PACRG: variants seen among roughly 807,000 people sequenced by gnomAD.
The protein encoded by PACRG is parkin coregulated gene protein.
Under a neutral mutation model 29.7 loss-of-function variants are expected in PACRG, and 29 were observed. The observed-to-expected ratio is 0.98, with a 90% CI of 0.73 to 1.33. The LOEUF is 1.33. Ranked by LOEUF, PACRG falls within the 40% of genes most tolerant of loss-of-function variation. The pLI is 0.00. For missense variants in PACRG, 279 were observed against 316.2 expected, an observed-to-expected ratio of 0.88 and a Z score of 0.89; for synonymous variants, 116 against 118.7, an observed-to-expected ratio of 0.98 and a Z score of 0.15.
At chr6:163,224,501 G>T (rs1034432185) in intron 4 of PACRG, among the ~76,000 whole-genome samples, 1 of 149,800 alleles carries the variant, frequency 6.7e-6, no homozygotes, top group African/African-American at 2.5e-5. Context: ...AGACCAAATA[G>T]AACAGAATAG....
intron 2 of PACRG, among the ~76,000 whole-genome samples, chr6:163,039,333 T>G (rs934451295): frequency 6.6e-6 from 1 of 152,202 alleles, no homozygotes; most frequent in African/African-American, 2.4e-5. Context: ...CCTCAAGTAG[T>G]ATCTTTATAG....
At chr6:162,866,927 G>T (rs1792346369) in intron 2 of PACRG, among the ~76,000 whole-genome samples, 2 of 152,306 alleles carry the variant, frequency 1.3e-5, no homozygotes, top group South Asian at 2.1e-4. Flanking sequence ...ATTTTCTCTT[G>T]ACTAAACTTC....
At chr6:162,729,813 G>A (rs67747005) in intron 1 of PACRG, among the ~76,000 whole-genome samples, 24,159 of 151,632 alleles carry the variant, frequency 0.16, 2,622 homozygotes, top group African/African-American at 0.31. Context: ...CACCTAAAGA[G>A]ATAGTTCTGC....
intron 2 of PACRG, among the ~76,000 whole-genome samples, chr6:162,921,496 CTT>C (rs985913728): frequency 6.6e-6 from 1 of 152,120 alleles, no homozygotes; most frequent in Non-Finnish European, 1.5e-5. Context: ...CTTCTTGACA[CTT>C]TTGTTCATCA....
intron 4 of PACRG, among the ~76,000 whole-genome samples, chr6:163,183,746 A>G (rs1166557835): frequency 6.6e-6 from 1 of 152,212 alleles, no homozygotes; most frequent in Non-Finnish European, 1.5e-5. Context: ...AAAAGAAGTC[A>G]TTTCCTGTAT....
chr6:163,143,026 C>T (rs560607329), intron 4 of PACRG, among the ~76,000 whole-genome samples: 1 of 152,256 alleles, frequency 6.6e-6, no homozygotes, highest in Non-Finnish European at 1.5e-5. Context: ...GCGGTGGAAA[C>T]GCTGGCGAAA....
intron 2 of PACRG, among the ~76,000 whole-genome samples, chr6:162,997,010 A>G (rs1804129755): frequency 6.6e-6 from 1 of 152,210 alleles, no homozygotes; most frequent in Admixed American, 6.5e-5. Context: ...AAGATAAACT[A>G]AAACATTTTA....
intron 1 of PACRG, among the ~76,000 whole-genome samples, chr6:162,751,812 C>A (rs1468745749): frequency 6.6e-6 from 1 of 152,112 alleles, no homozygotes; most frequent in African/African-American, 2.4e-5. Flanking sequence ...TCTTAAATGC[C>A]TATCATTTTG....
intron 2 of PACRG, among the ~76,000 whole-genome samples, chr6:162,979,551 C>A (rs116528837): frequency 1.3e-5 from 2 of 152,068 alleles, no homozygotes; most frequent in Non-Finnish European, 2.9e-5. Flanking sequence ...TGTCTACTTT[C>A]GCTTTTGTTG....
intron 4 of PACRG, among the ~76,000 whole-genome samples, chr6:163,235,354 AAAT>A (rs1346296159): frequency 4.6e-5 from 7 of 152,326 alleles, no homozygotes; most frequent in Non-Finnish European, 8.8e-5. Flanking sequence ...GGCTCCATTA[AAAT>A]AATTTCTCAA....
chr6:163,012,304 G>T (rs1805689199), intron 2 of PACRG, among the ~76,000 whole-genome samples: 1 of 152,172 alleles, frequency 6.6e-6, no homozygotes, highest in Admixed American at 6.5e-5. Flanking sequence ...GGGAAACTCA[G>T]CATCTGCAAA....
chr6:163,285,293 C>T (rs999621404), intron 4 of PACRG, among the ~76,000 whole-genome samples: 4 of 152,076 alleles, frequency 2.6e-5, no homozygotes, highest in Non-Finnish European at 5.9e-5. Flanking sequence ...TGATCCTTTA[C>T]GCCCCTGTCT....
At chr6:162,787,582 GTATATATATATATATATATATA>G (rs869254835) in intron 1 of PACRG, among the ~76,000 whole-genome samples, 7 of 62,412 alleles carry the variant, frequency 1.1e-4, no homozygotes, top group African/African-American at 3.0e-4. Flanking sequence ...GTGTGTGTGT[GTATATATATATATATATATATA>G]TATATATATA....
intron 2 of PACRG, among the ~76,000 whole-genome samples, chr6:162,988,290 G>T (rs1164304678): frequency 1.3e-5 from 2 of 152,172 alleles, no homozygotes; most frequent in Admixed American, 6.5e-5. Context: ...CACAGAGTGG[G>T]ATTGGAGCAG....
chr6:163,236,697 G>A (rs1016153514), intron 4 of PACRG, among the ~76,000 whole-genome samples: 6 of 152,278 alleles, frequency 3.9e-5, no homozygotes, highest in Middle Eastern at 3.4e-3. Flanking sequence ...TTGCCACTTC[G>A]TTTTAGTGGG....
chr6:162,771,943 A>G (rs1175548687), intron 1 of PACRG, among the ~76,000 whole-genome samples: 1 of 152,196 alleles, frequency 6.6e-6, no homozygotes, highest in South Asian at 2.1e-4. Context: ...ATTTCCAAGC[A>G]GGATAAAATA....
chr6:162,912,865 C>T (rs544311994), intron 2 of PACRG, among the ~76,000 whole-genome samples: 35 of 151,018 alleles, frequency 2.3e-4, no homozygotes, highest in South Asian at 1.0e-3. Flanking sequence ...CCACTGCACC[C>T]GGCCCACACA....
chr6:162,930,093 TATA>T (rs1176741016), intron 2 of PACRG, among the ~76,000 whole-genome samples: 2 of 151,904 alleles, frequency 1.3e-5, no homozygotes, highest in African/African-American at 2.4e-5. Context: ...CATGATTCCA[TATA>T]ATCTTCAGGA....
chr6:162,740,954 G>A (rs1227705407), intron 1 of PACRG, among the ~76,000 whole-genome samples: 1 of 152,060 alleles, frequency 6.6e-6, no homozygotes, highest in Non-Finnish European at 1.5e-5. Flanking sequence ...ATTGGAAGTA[G>A]TATTGAATTT....
Sources: allele counts gnomAD v4.1 joint callset (sites outside exome capture counted in the v4.1 genomes callset), GRCh38; gene constraint gnomAD v4.1.1; transcripts MANE v1.5; gene names NCBI Gene and HGNC (gene_info 2026-07-23, HGNC 2026-07-21).